The following CAB39L variants were observed in gnomAD, a reference collection of about 807,000 sequenced individuals.
CAB39L encodes calcium binding protein 39 like, also known as calcium-binding protein 39-like.
A neutral mutation model predicts 39.1 loss-of-function variants in CAB39L; 23 were observed. The observed-to-expected ratio is 0.59, with a 90% CI of 0.42 to 0.83. CAB39L has a LOEUF of 0.83. Among genes scored for constraint, CAB39L ranks in the 40% least tolerant of loss-of-function variants. The pLI, the probability that CAB39L is intolerant of heterozygous loss-of-function variation, is 0.00. For missense variants in CAB39L, 366 were observed against 391.9 expected (o/e 0.93, Z 0.56); for synonymous variants, 126 against 137.2 (o/e 0.92, Z 0.57).
chr13:49,346,100 GATATATAT>G (rs370368670), intron 7 of CAB39L, among the ~76,000 whole-genome samples: 2,375 of 30,926 alleles, frequency 0.077, 279 homozygotes, highest in Middle Eastern at 0.16. Context: ...ATATATGCTA[GATATATAT>G]ATATATATAT....
At chr13:49,353,616 C>G (rs779989661) in intron 6 of CAB39L, among the ~76,000 whole-genome samples, 20 of 151,980 alleles carry the variant, frequency 1.3e-4, no homozygotes, top group Non-Finnish European at 2.5e-4. Context: ...GAAGCCTTTC[C>G]TAATCACTAC....
intron 3 of CAB39L, among the ~76,000 whole-genome samples, chr13:49,429,536 T>C (rs1957288640): frequency 6.6e-6 from 1 of 152,236 alleles, no homozygotes; most frequent in South Asian, 2.1e-4. Flanking sequence ...CCTTACTTAG[T>C]TTATTTTATT....
intron 8 of CAB39L, among the ~76,000 whole-genome samples, chr13:49,341,189 C>T (rs1453195405): frequency 6.6e-6 from 1 of 152,126 alleles, no homozygotes; most frequent in Middle Eastern, 3.2e-3. Context: ...TATATAGTTA[C>T]TGAACAACCA....
chr13:49,330,579 C>G (rs1954663219), intron 10 of CAB39L, among the ~76,000 whole-genome samples: 1 of 152,060 alleles, frequency 6.6e-6, no homozygotes, highest in Non-Finnish European at 1.5e-5. Flanking sequence ...AAGCCATGAT[C>G]ACACCACTGC....
rs76621134 is a variant in CAB39L, at chr13:49,317,780, T to C, written c.835-6787A>G. Among the ~76,000 whole-genome samples the C allele has an allele frequency of 3.2e-3, 492 of 151,732 alleles. 1 individual carries two copies. The highest frequency in any genetic ancestry group is 0.011 in the African/African-American group (470 of 41,338). ...AAAAAACAGGTAAACTGAACCAAAT[T>C]GAAAACTTTTGTATATCAAAGGATA... On this transcript the variant is annotated intron_variant, in intron 10 of 10. Transcript: ENST00000409308.
chr13:49,344,138 G>C (rs754478460), intron 8 of CAB39L, 41 bp downstream of exon 8: 1 of 1,179,354 alleles, frequency 8.5e-7, no homozygotes, highest in Non-Finnish European at 1.3e-6. Context: ...AAGGGAGGGA[G>C]AGAGAAAGTG....
intron 3 of CAB39L, among the ~76,000 whole-genome samples, 151 bp downstream of exon 3, chr13:49,433,167 C>A (rs912600651): frequency 4.6e-5 from 7 of 152,138 alleles, no homozygotes; most frequent in African/African-American, 1.4e-4. Flanking sequence ...CATATTGCTA[C>A]AAATCAGTCT....
At chr13:49,379,310 A>T (rs1197666804) in intron 4 of CAB39L, among the ~76,000 whole-genome samples, 1 of 24,868 alleles carries the variant, frequency 4.0e-5, no homozygotes, top group Admixed American at 2.9e-4. Flanking sequence ...TCTGTGTAGA[A>T]AGAAGTAGAC....
intron 9 of CAB39L, among the ~76,000 whole-genome samples, chr13:49,333,470 T>G (rs879070022): frequency 1.3e-5 from 2 of 152,094 alleles, no homozygotes; most frequent in African/African-American, 2.4e-5. Flanking sequence ...TCTATACCCA[T>G]GGGTTCAACT....
chr13:49,433,872 G>A (rs1957366482), intron 2 of CAB39L, among the ~76,000 whole-genome samples: 1 of 152,200 alleles, frequency 6.6e-6, no homozygotes, highest in Non-Finnish European at 1.5e-5. Context: ...GAAGAGCACT[G>A]AAGGGTCATA....
intron 9 of CAB39L, among the ~76,000 whole-genome samples, chr13:49,333,955 C>A (rs1314921500): frequency 6.6e-6 from 1 of 152,156 alleles, no homozygotes; most frequent in Non-Finnish European, 1.5e-5. Flanking sequence ...CTAAAACCAA[C>A]TCCCTTTCTT....
chr13:49,371,808 T>A (rs1177652012), intron 5 of CAB39L, among the ~76,000 whole-genome samples: 1 of 151,344 alleles, frequency 6.6e-6, no homozygotes, highest in Non-Finnish European at 1.5e-5. Context: ...CCCAGGGGGG[T>A]CTCAAACTCC....
At chr13:49,339,610 T>C in intron 9 of CAB39L, 67 bp downstream of exon 9, 3 of 1,419,862 alleles carry the variant, frequency 2.1e-6, no homozygotes, top group South Asian at 1.8e-5. Flanking sequence ...CATATACTAA[T>C]AGACCCGTCA....
At chr13:49,405,777 G>GGGAGGGAGGGA (rs1458104452) in intron 3 of CAB39L, among the ~76,000 whole-genome samples, 2 of 149,286 alleles carry the variant, frequency 1.3e-5, no homozygotes, top group East Asian at 3.9e-4. Flanking sequence ...GACAGAGGGA[G>GGGAGGGAGGGA]GGAGGGAGGG....
At chr13:49,349,363 C>G (rs73485446) in intron 7 of CAB39L, among the ~76,000 whole-genome samples, 1 of 150,770 alleles carries the variant, frequency 6.6e-6, no homozygotes, top group Non-Finnish European at 1.5e-5. Context: ...AAGTTACATA[C>G]GTATATCCTG....
chr13:49,313,290 G>A (rs1308741976), intron 10 of CAB39L, among the ~76,000 whole-genome samples: 2 of 152,070 alleles, frequency 1.3e-5, no homozygotes, highest in African/African-American at 4.8e-5. Context: ...GACCATCCTG[G>A]CTAACACGGT....
At chr13:49,388,936 C>T (rs559478240) in intron 3 of CAB39L, among the ~76,000 whole-genome samples, 7 of 152,266 alleles carry the variant, frequency 4.6e-5, no homozygotes, top group African/African-American at 1.7e-4. Context: ...TGCCCTACTT[C>T]CCACATCACC....
At chr13:49,424,315 G>A (rs553110190) in intron 3 of CAB39L, among the ~76,000 whole-genome samples, 18 of 152,292 alleles carry the variant, frequency 1.2e-4, no homozygotes, top group East Asian at 1.2e-3. Context: ...CTCAAAACTC[G>A]TAACCCCAGT....
chr13:49,367,930 C>CAAA (rs148092096), intron 5 of CAB39L, among the ~76,000 whole-genome samples: 3 of 135,044 alleles, frequency 2.2e-5, no homozygotes, highest in South Asian at 2.4e-4. Context: ...GACCCTGTCT[C>CAAA]AAAAAAAAAA....
Sources: gnomAD v4.1 joint callset for allele counts (sites outside exome capture counted in the v4.1 genomes callset) on GRCh38, gnomAD v4.1.1 for gene constraint, MANE v1.5 for transcripts, NCBI Gene and HGNC (gene_info 2026-07-23, HGNC 2026-07-21) for gene names.